SYNE1: variants seen among roughly 807,000 people sequenced by gnomAD.
SYNE1 encodes the protein spectrin repeat containing nuclear envelope protein 1, also known as nesprin-1.
In SYNE1, 616 loss-of-function variants were observed where a neutral mutation model predicts 1,111.0. The ratio of observed to expected loss-of-function variants is 0.55; its 90% confidence interval spans 0.52 to 0.59. The LOEUF (loss-of-function observed/expected upper bound fraction) is 0.59, where lower values mean the gene tolerates loss of function less well. Among genes scored for constraint, SYNE1 ranks in the 20% least tolerant of loss-of-function variants. SYNE1 has a pLI of 0.00. For synonymous variants in SYNE1, 3,855 were observed against 3,825.8 expected, an observed-to-expected ratio of 1.01 and a Z score of -0.28; for missense variants, 10,006 against 10,417.0, an observed-to-expected ratio of 0.96 and a Z score of 1.72.
intron 97 of SYNE1, among the ~76,000 whole-genome samples, chr6:152,280,035 C>G (rs1267182738): frequency 6.6e-6 from 1 of 152,126 alleles, no homozygotes; most frequent in Non-Finnish European, 1.5e-5. Flanking sequence ...TGTACCACAG[C>G]AATTGTAAAA....
intron 104 of SYNE1, among the ~76,000 whole-genome samples, chr6:152,253,815 T>TAG (rs2090022987): frequency 1.3e-4 from 5 of 37,178 alleles, no homozygotes; most frequent in African/African-American, 8.5e-4. Context: ...GTGTAGTGGT[T>TAG]TGGTTTTTTT....
intron 6 of SYNE1, among the ~76,000 whole-genome samples, chr6:152,518,308 T>G (rs1312215195): frequency 1.3e-5 from 2 of 151,638 alleles, no homozygotes; most frequent in East Asian, 3.9e-4. Flanking sequence ...AAGTGAACCC[T>G]GGTGGGAAGC....
At chr6:152,304,670 C>T (rs1366150783) in intron 91 of SYNE1, among the ~76,000 whole-genome samples, 2 of 152,146 alleles carry the variant, frequency 1.3e-5, no homozygotes, top group African/African-American at 2.4e-5. Flanking sequence ...TTAGGCCTTC[C>T]ACCCTTTGTA....
intron 104 of SYNE1, among the ~76,000 whole-genome samples, chr6:152,253,817 GGTTTTTTTTTTTTTTTTTTTTTTTTTTT>G (rs1220056438): frequency 1.5e-4 from 9 of 59,156 alleles, no homozygotes; most frequent in South Asian, 1.4e-3. Context: ...GTAGTGGTTT[GGTTTTTTTTTTTTTTTTTTTTTTTTTTT>G]TTTTTTTTTT....
In SYNE1 at chr6:152,407,196, C is replaced by T. The variant is rs758683858; in HGVS notation, c.6541G>A (p.Val2181Ile). The change falls in exon 45 of 146, where the codon GTA becomes ATA. Residue 2181 changes from valine (V) to isoleucine (I), a missense_variant and splice_region_variant. By Grantham distance (29) the Val-to-Ile change is conservative. Transcript: ENST00000367255. ...MESTVDKWLD[V>I]SEKLEENMDR... ...ATGTTTTCTTCAAGTTTCTCTGATA[C>T]CTAGGAGAGAAACAGAAGCCATGGC... 12 of 1,613,608 alleles carry T rather than the reference C, an allele frequency of 7.4e-6. No homozygotes were observed. The South Asian group carries it at 9.9e-5, about 13-fold the overall frequency.
chr6:152,614,198 C>A (rs1181057466), intron 3 of SYNE1, among the ~76,000 whole-genome samples: 1 of 152,100 alleles, frequency 6.6e-6, no homozygotes, highest in African/African-American at 2.4e-5. Flanking sequence ...AGTGAACAGG[C>A]AACCTACAGA....
intron 42 of SYNE1, among the ~76,000 whole-genome samples, chr6:152,412,258 A>C (rs568449010): frequency 6.6e-6 from 1 of 151,576 alleles, no homozygotes; most frequent in East Asian, 1.9e-4. Flanking sequence ...CATCTCTACT[A>C]AAAATACAAA....
rs148518750 is a variant in SYNE1 at position 152,281,861 on chromosome 6, C to T, written c.18327G>A (p.Ala6109=). ...LLSTKATLDT[A]LSPPKEPMDM... ...CCATGGGCTCCTTGGGTGGACTCAG[C>T]GCAGTGTCCAGAGTGGCCTTGGTAC... is the stretch of plus-strand genomic sequence containing the variant. The change falls in exon 97 of 146, where the codon GCG becomes GCA. Residue 6109 remains alanine (A), a synonymous_variant. Coordinates refer to ENST00000367255, the MANE Select transcript of SYNE1 (RefSeq NM_182961.4). 30 of 1,614,048 alleles carry T rather than the reference C, an allele frequency of 1.9e-5. No homozygotes were observed. The highest frequency in any genetic ancestry group is 1.2e-4 in the African/African-American group (9 of 74,922).
At chr6:152,510,974 C>T (rs1594327211) in intron 7 of SYNE1, 37 bp downstream of exon 7, 1 of 1,568,396 alleles carries the variant, frequency 6.4e-7, no homozygotes, top group Non-Finnish European at 8.8e-7. Context: ...CCCTCTGAGA[C>T]ATTGCATCAA....
intron 83 of SYNE1, 121 bp from the exon 84 acceptor site, chr6:152,321,511 A>G: frequency 7.5e-7 from 1 of 1,335,404 alleles, no homozygotes; most frequent in African/African-American, 1.5e-5. Context: ...ATCTTAATAC[A>G]ACATTGTTCT....
chr6:152,332,005 T>C, intron 77 of SYNE1, 115 bp from the exon 78 acceptor site: 3 of 1,475,626 alleles, frequency 2.0e-6, no homozygotes, highest in Non-Finnish European at 2.8e-6. Flanking sequence ...AGTTTTGCTC[T>C]TGTTTCCCAG....
intron 100 of SYNE1, among the ~76,000 whole-genome samples, chr6:152,264,361 G>A (rs190268486): frequency 1.3e-5 from 2 of 151,618 alleles, no homozygotes. Context: ...TTTGATGCAG[G>A]GCGTTTTGCT....
intron 132 of SYNE1, 105 bp from the exon 133 acceptor site, chr6:152,155,147 C>G: frequency 7.1e-7 from 1 of 1,400,508 alleles, no homozygotes; most frequent in Non-Finnish European, 1.0e-6. Flanking sequence ...ACAGAGGCAA[C>G]TGTTGTGCCA....
At chr6:152,625,275 G>A (rs1449856123) in intron 3 of SYNE1, among the ~76,000 whole-genome samples, 1 of 152,162 alleles carries the variant, frequency 6.6e-6, no homozygotes, top group Non-Finnish European at 1.5e-5. Flanking sequence ...TCTTTCTGTG[G>A]AGATTGGCCC....
chr6:152,429,012 T>C (rs2098401920), intron 36 of SYNE1, among the ~76,000 whole-genome samples: 1 of 151,530 alleles, frequency 6.6e-6, no homozygotes, highest in East Asian at 1.9e-4. Flanking sequence ...AACCCACATG[T>C]AACATGCTAT....
intron 3 of SYNE1, among the ~76,000 whole-genome samples, chr6:152,575,154 G>A (rs2099491425): frequency 6.6e-6 from 1 of 152,064 alleles, no homozygotes; most frequent in Non-Finnish European, 1.5e-5. Context: ...ATAGGATGGT[G>A]GTCTTCAATC....
intron 127 of SYNE1, among the ~76,000 whole-genome samples, chr6:152,200,020 T>G (rs1360385294): frequency 6.6e-6 from 1 of 152,180 alleles, no homozygotes; most frequent in Non-Finnish European, 1.5e-5. Context: ...CTAAACATAT[T>G]CAATTGTTAT....
At chr6:152,236,785 C>G (rs1297522840) in intron 109 of SYNE1, 32 bp downstream of exon 109, 2 of 1,613,940 alleles carry the variant, frequency 1.2e-6, no homozygotes, top group Non-Finnish European at 8.5e-7. Flanking sequence ...TGGTAAGTTT[C>G]TAAAGGCAAT....
At chr6:152,192,870 A>G (rs950631389) in intron 127 of SYNE1, among the ~76,000 whole-genome samples, 1 of 152,046 alleles carries the variant, frequency 6.6e-6, no homozygotes, top group African/African-American at 2.4e-5. Context: ...TTTGTCTGAT[A>G]TAAGTATAGC....
Sources: allele counts gnomAD v4.1 joint callset (sites outside exome capture counted in the v4.1 genomes callset), GRCh38; gene constraint gnomAD v4.1.1; transcripts MANE v1.5; gene names NCBI Gene and HGNC (gene_info 2026-07-23, HGNC 2026-07-21).